Variants in ABCB4 observed in about 807,000 individuals in gnomAD.
ABCB4 encodes the protein ATP binding cassette subfamily B member 4.
In ABCB4, 76 loss-of-function variants were observed where a neutral mutation model predicts 145.7. That is an observed-to-expected ratio of 0.52 (90% CI 0.43 to 0.63). ABCB4 has a LOEUF of 0.63. Among genes scored for constraint, ABCB4 ranks in the 30% least tolerant of loss-of-function variants. The pLI, the probability that ABCB4 is intolerant of heterozygous loss-of-function variation, is 0.00. For missense variants in ABCB4, 1,234 were observed against 1,553.1 expected (o/e 0.79, Z 3.45); for synonymous variants, 517 against 566.8 (o/e 0.91, Z 1.25).
the ABCB4 span, among the ~76,000 whole-genome samples, chr7:87,378,425 C>A: frequency 6.6e-6 from 1 of 151,408 alleles, no homozygotes; most frequent in South Asian, 2.1e-4. Flanking sequence ...ATCAAACTAG[C>A]GTTAGCGTAA....
chr7:87,421,598 T>C (rs930530197), intron 18 of ABCB4, among the ~76,000 whole-genome samples: 4 of 152,372 alleles, frequency 2.6e-5, no homozygotes, highest in East Asian at 3.9e-4. Context: ...GAAAGGCCTA[T>C]GTGGTGCCCA....
At chr7:87,403,506 G>A (rs1807955862) in intron 26 of ABCB4, 1 of 544,186 alleles carries the variant, frequency 1.8e-6, no homozygotes, top group Non-Finnish European at 3.3e-6. Context: ...AATAGGAGGA[G>A]GATACTCTAA....
At chr7:87,367,868 A>C in the ABCB4 span, among the ~76,000 whole-genome samples, 2 of 152,202 alleles carry the variant, frequency 1.3e-5, no homozygotes, top group African/African-American at 4.8e-5. Flanking sequence ...GATTGTTCTC[A>C]CCTGGACAAC....
chr7:87,446,974 G>A, intron 9 of ABCB4, 60 bp downstream of exon 9: 1 of 1,458,784 alleles, frequency 6.9e-7, no homozygotes, highest in South Asian at 1.2e-5. Flanking sequence ...AAAGAAAAGA[G>A]AAGGTAGATG....
chr7:87,459,973 T>C (rs1245684382), intron 4 of ABCB4, among the ~76,000 whole-genome samples: 1 of 152,216 alleles, frequency 6.6e-6, no homozygotes, highest in African/African-American at 2.4e-5. Context: ...GATATGGTGC[T>C]GACAATTCAG....
At chr7:87,394,723 A>G in the ABCB4 span, among the ~76,000 whole-genome samples, 1 of 152,146 alleles carries the variant, frequency 6.6e-6, no homozygotes, top group Non-Finnish European at 1.5e-5. Flanking sequence ...AAAAAGGCAT[A>G]CCTATAGACT....
chr7:87,450,166 CCTA>C lies in ABCB4; in HGVS notation c.709-77_709-75del. 1.9e-6 allele frequency: 3 copies of C among 1,583,936 alleles called. No individual in the cohort carries two copies. The South Asian group carries it at 3.3e-5, about 18-fold the overall frequency. On this transcript the variant is annotated intron_variant, in intron 7 of 27. Transcript: ENST00000649586. The stretch of plus-strand genomic sequence containing the variant: ...AAAGGCACTCTGGTCAACCCTTTAA[CCTA>C]CTTTTTCTTCCCAAACCCTCTCCTT...
chr7:87,407,974 G>T, intron 25 of ABCB4, 63 bp downstream of exon 25: 1 of 1,595,330 alleles, frequency 6.3e-7, no homozygotes, highest in South Asian at 1.1e-5. Context: ...TTTCCATTAT[G>T]ACAATATTGG....
rs1489145832 is a variant in ABCB4 at position 87,453,010 on chromosome 7, A to G, written c.470T>C (p.Ile157Thr). 6.2e-7 allele frequency: 1 copy of G among 1,614,138 alleles called. No individual in the cohort carries two copies. Among genetic ancestry groups the G allele is most frequent in the Non-Finnish European group, 8.5e-7 (1 of 1,180,024 alleles). Residue 157 changes from isoleucine (I) to threonine (T), a missense_variant, in exon 6 of 28, where the codon ATT becomes ACT. By Grantham distance (89) the Ile-to-Thr change is moderately conservative (BLOSUM62 -1). This residue lies in a region of ABCB4 where 467 missense variants were observed against 632.8 expected (regional missense o/e 0.74). Transcript: ENST00000649586. ...AAACCATCCTATTTCCTGTCGTAGAATAGCATGAAAAAACTTCTGCCTAAT... is the reference window on the plus strand; with the variant it reads ...AAACCATCCTATTTCCTGTCGTAGAGTAGCATGAAAAAACTTCTGCCTAAT... ...RKIRQKFFHA[I>T]LRQEIGWFDI...
the ABCB4 span, among the ~76,000 whole-genome samples, chr7:87,384,319 G>A: frequency 2.0e-5 from 3 of 152,108 alleles, no homozygotes; most frequent in African/African-American, 7.2e-5. Flanking sequence ...ATCACCTGAG[G>A]TCAGGAGTTT....
chr7:87,420,507 T>A (rs1176402375), intron 18 of ABCB4, among the ~76,000 whole-genome samples: 1 of 152,210 alleles, frequency 6.6e-6, no homozygotes, highest in East Asian at 1.9e-4. Flanking sequence ...GCTTCTCACT[T>A]GTGACAAGTT....
chr7:87,396,467 T>C, the ABCB4 span, among the ~76,000 whole-genome samples: 1 of 152,282 alleles, frequency 6.6e-6, no homozygotes, highest in South Asian at 2.1e-4. Context: ...TTTTATGACA[T>C]GCACTGGACC....
intron 8 of ABCB4, among the ~76,000 whole-genome samples, chr7:87,448,326 T>C (rs1811483141): frequency 6.6e-6 from 1 of 152,214 alleles, no homozygotes; most frequent in South Asian, 2.1e-4. Flanking sequence ...GTTTTAGTGT[T>C]GAACCAAATA....
chr7:87,467,511 C>T (rs1447910061), intron 3 of ABCB4, among the ~76,000 whole-genome samples: 5 of 152,150 alleles, frequency 3.3e-5, no homozygotes, highest in African/African-American at 1.2e-4. Context: ...ACAAGGATAT[C>T]CAGGAATTGA....
At chr7:87,382,494 A>G in the ABCB4 span, 15 of 1,613,964 alleles carry the variant, frequency 9.3e-6, 1 homozygote, top group Admixed American at 1.3e-4. Context: ...TCACCCGGAT[A>G]CGTTTATTCA....
At chr7:87,445,419 G>A (rs1043804036) in intron 9 of ABCB4, among the ~76,000 whole-genome samples, 1 of 152,114 alleles carries the variant, frequency 6.6e-6, no homozygotes, top group Non-Finnish European at 1.5e-5. Context: ...AACATAAAAA[G>A]TAACAGTTTG....
intron 15 of ABCB4, among the ~76,000 whole-genome samples, chr7:87,430,628 G>T (rs552953877): frequency 3.7e-4 from 57 of 152,076 alleles, no homozygotes; most frequent in African/African-American, 1.3e-3. Flanking sequence ...GGATTCAAGC[G>T]ATTCTCCTGC....
chr7:87,413,107 G>A (rs1808737085), intron 22 of ABCB4, among the ~76,000 whole-genome samples: 1 of 152,212 alleles, frequency 6.6e-6, no homozygotes, highest in African/African-American at 2.4e-5. Context: ...GTGGCAAATG[G>A]TGCCATTAGG....
chr7:87,406,352 T>C lies in ABCB4; in HGVS notation c.3422A>G (p.Gln1141Arg), dbSNP rs1808189557. 2 of 1,614,168 alleles carry C rather than the reference T, an allele frequency of 1.2e-6. No individual in the cohort carries two copies. ...TTTGGCTGCACTCACAATTTCATCC[T>C]GTGATACAACCCGGCTGTTGTCTCC... ...AYGDNSRVVS[Q>R]DEIVSAAKAA... The change falls in exon 26 of 28, where the codon CAG (glutamine) becomes CGG (arginine). Residue 1141 changes from glutamine to arginine, a missense_variant. This residue lies in a region of ABCB4 where 301 missense variants were observed against 389.0 expected (regional missense o/e 0.77). Transcript: ENST00000649586.
Sources: gnomAD v4.1 joint callset for allele counts (sites outside exome capture counted in the v4.1 genomes callset) on GRCh38, gnomAD v4.1.1 for gene constraint, gnomAD v4.1.1 regional missense constraint, MANE v1.5 for transcripts, NCBI Gene and HGNC (gene_info 2026-07-23, HGNC 2026-07-21) for gene names.